Variants in POLB observed in about 807,000 individuals in gnomAD.
The protein encoded by POLB is 5'-dRP lyase.
Under a neutral mutation model 52.7 loss-of-function variants are expected in POLB, and 37 were observed. The observed-to-expected ratio is 0.70, with a 90% CI of 0.54 to 0.92. POLB has a LOEUF of 0.92. Ranked by LOEUF, POLB falls within the 40% of genes least tolerant of loss-of-function variation. POLB has a pLI of 0.00. For synonymous variants in POLB, 138 were observed against 131.3 expected (o/e 1.05, Z -0.35); for missense variants, 313 against 400.8 (o/e 0.78, Z 1.87).
chr8:42,343,346 A>AAAAAT (rs1822358553), intron 2 of POLB, among the ~76,000 whole-genome samples: 1 of 19,974 alleles, frequency 5.0e-5, no homozygotes, highest in African/African-American at 7.5e-5. Flanking sequence ...AAAAAAAAAA[A>AAAAAT]TATATATATA....
intron 11 of POLB, among the ~76,000 whole-genome samples, chr8:42,365,968 C>T (rs574386488): frequency 1.1e-4 from 16 of 151,994 alleles, no homozygotes; most frequent in Admixed American, 1.3e-4. Context: ...GGCGTGGTGG[C>T]GGGCGCCTGT....
intron 3 of POLB, among the ~76,000 whole-genome samples, chr8:42,348,636 G>C (rs1256831730): frequency 1.3e-5 from 2 of 152,250 alleles, no homozygotes; most frequent in Admixed American, 1.3e-4. Context: ...GCAGGAGCTT[G>C]ACAACCTCTG....
chr8:42,361,784 T>C (rs1386669716), intron 10 of POLB: 1 of 141,216 alleles, frequency 7.1e-6, no homozygotes, highest in African/African-American at 4.4e-5. Context: ...GACTCTTTGA[T>C]TGCTTTTTTT....
chr8:42,363,326 A>T (rs1050223755), intron 11 of POLB, among the ~76,000 whole-genome samples: 1 of 151,882 alleles, frequency 6.6e-6, no homozygotes, highest in Non-Finnish European at 1.5e-5. Flanking sequence ...CAGGTGATCA[A>T]GACCATCCTG....
intron 13 of POLB, among the ~76,000 whole-genome samples, chr8:42,371,271 G>A (rs1824371216): frequency 6.6e-6 from 1 of 152,138 alleles, no homozygotes; most frequent in Non-Finnish European, 1.5e-5. Context: ...TTACAGGCAT[G>A]AGCTACCACG....
chr8:42,349,989 C>CTTTTTT lies in POLB; in HGVS notation c.262-13_262-8dup, dbSNP rs748183535. 1 of 1,424,186 alleles carries CTTTTTT rather than the reference C, an allele frequency of 7.0e-7. No individual in the cohort carries two copies. The allele number at this position is 1,424,186 out of a possible 1,614,324, so 88.2% of individuals were successfully genotyped here. On this transcript the variant is annotated splice_polypyrimidine_tract_variant and intron_variant, in intron 4 of 13. Transcript: ENST00000265421. Reference sequence around the variant, plus strand: ...AAAGCATTCCTAAATCATTGTTAGACTTTTTTTTTTCTTAAAGATTCGGCA... The same window carrying CTTTTTT: ...AAAGCATTCCTAAATCATTGTTAGACTTTTTTTTTTTTTTTTCTTAAAGATTCGGCA...
chr8:42,354,550 A>G (rs776621585), intron 6 of POLB: 16 of 977,522 alleles, frequency 1.6e-5, no homozygotes, highest in South Asian at 1.1e-4. Context: ...TTTCAATGGA[A>G]TTTTTTTTTG....
chr8:42,352,999 G>A (rs1473646871), intron 6 of POLB, among the ~76,000 whole-genome samples: 11 of 150,900 alleles, frequency 7.3e-5, no homozygotes, highest in Admixed American at 2.6e-4. Flanking sequence ...GCTTGAACCC[G>A]GGAGGCAGAG....
At chr8:42,351,672 A>G (rs945053452) in intron 5 of POLB, among the ~76,000 whole-genome samples, 1 of 152,260 alleles carries the variant, frequency 6.6e-6, no homozygotes, top group African/African-American at 2.4e-5. Flanking sequence ...CTATAAGAGC[A>G]TCTTCAGTCA....
chr8:42,362,042 C>T (rs1166513239), intron 10 of POLB, among the ~76,000 whole-genome samples: 1 of 152,142 alleles, frequency 6.6e-6, no homozygotes, highest in Admixed American at 6.6e-5. Context: ...GCAGGTGGAT[C>T]ACGAGGTCAG....
Position 42,360,751 on chromosome 8 carries a change from A to T in POLB, c.551-544A>T, listed in dbSNP as rs572489945. ...AGAATTGAAATGAGTTTTCTTTTTA[A>T]AAAAAAAAAAAAGAGAGTGCCTGGA... On this transcript the variant is annotated intron_variant, in intron 9 of 13. Transcript: ENST00000265421. Among the ~76,000 whole-genome samples the T allele has an allele frequency of 3.6e-3, 526 of 144,142 alleles. 2 individuals are homozygous for T. Among genetic ancestry groups the T allele is most frequent in the Non-Finnish European group, 6.4e-3 (407 of 64,092 alleles). The allele number at this position is 144,142 out of a possible 152,430, so 94.6% of individuals were successfully genotyped here. A position where few individuals can be genotyped will look rare whatever the true frequency, so the allele number is the denominator to read the frequency against.
chr8:42,370,226 A>C, intron 13 of POLB: 2 of 576,014 alleles, frequency 3.5e-6, no homozygotes, highest in Non-Finnish European at 6.5e-6. Flanking sequence ...AAATCCTTGC[A>C]TGCTCAGTAA....
At chr8:42,364,020 G>T (rs958880237) in intron 11 of POLB, among the ~76,000 whole-genome samples, 1 of 147,818 alleles carries the variant, frequency 6.8e-6, no homozygotes. Context: ...TCCACCTCCC[G>T]GGTTCAAGCA....
chr8:42,366,471 T>C (rs1300549259), intron 11 of POLB, among the ~76,000 whole-genome samples: 1 of 152,210 alleles, frequency 6.6e-6, no homozygotes, highest in Non-Finnish European at 1.5e-5. Context: ...TGTTGCGACA[T>C]AGGAATCCAT....
At position 42,371,422 on chromosome 8, in the gene POLB, G is replaced by A. The variant is rs1824386570; in HGVS notation, c.914-141G>A. 8 of 432,060 alleles carry A rather than the reference G, an allele frequency of 1.9e-5. No individual in the cohort carries two copies. The South Asian group carries it at 1.9e-4, about 10-fold the overall frequency. The allele number at this position is 432,060 out of a possible 1,614,324, so 26.8% of individuals were successfully genotyped here. On this transcript the variant is annotated intron_variant, in intron 13 of 13. Transcript: ENST00000265421. ...ACAGGCGTGAGCTACCACATCCGCC[G>A]GTCTTTTTTTTTTTAGTGACTTGGT...
chr8:42,363,527 CAAAAAAAAAA>C (rs1163249252), intron 11 of POLB, among the ~76,000 whole-genome samples: 9 of 15,838 alleles, frequency 5.7e-4, no homozygotes, highest in South Asian at 4.8e-3. Context: ...GACTCTGTCT[CAAAAAAAAAA>C]AAAAAAAAAA....
chr8:42,343,872 C>T (rs1203262328), intron 2 of POLB, among the ~76,000 whole-genome samples: 1 of 152,170 alleles, frequency 6.6e-6, no homozygotes, highest in Non-Finnish European at 1.5e-5. Flanking sequence ...TGGCTCACGC[C>T]TGTAACCCAG....
At chr8:42,360,778 C>T (rs1198005604) in intron 9 of POLB, among the ~76,000 whole-genome samples, 1 of 151,690 alleles carries the variant, frequency 6.6e-6, no homozygotes, top group Non-Finnish European at 1.5e-5. Flanking sequence ...GTGCCTGGAT[C>T]TCTCTGTGTT....
At chr8:42,363,041 T>C (rs114001767) in intron 11 of POLB, among the ~76,000 whole-genome samples, 1 of 151,772 alleles carries the variant, frequency 6.6e-6, no homozygotes, top group Non-Finnish European at 1.5e-5. Flanking sequence ...GGAAAATCAC[T>C]TGAACCCAGG....
Sources: allele counts gnomAD v4.1 joint callset (sites outside exome capture counted in the v4.1 genomes callset), GRCh38; gene constraint gnomAD v4.1.1; transcripts MANE v1.5; gene names NCBI Gene and HGNC (gene_info 2026-07-23, HGNC 2026-07-21).